Variants in SUGCT observed in about 807,000 individuals in gnomAD.
SUGCT encodes the protein succinyl-CoA:glutarate-CoA transferase.
SUGCT carries 41 observed loss-of-function variants against 55.0 expected under a neutral mutation model. The observed-to-expected ratio is 0.74, with a 90% CI of 0.58 to 0.97. The LOEUF (loss-of-function observed/expected upper bound fraction) is 0.97. Ranked by LOEUF, SUGCT falls within the 50% of genes least tolerant of loss-of-function variation. The pLI is 0.00. For missense variants in SUGCT, 568 were observed against 547.8 expected, an observed-to-expected ratio of 1.04 and a Z score of -0.37; for synonymous variants, 187 against 200.4, an observed-to-expected ratio of 0.93 and a Z score of 0.56.
chr7:40,920,299 C>T, the SUGCT span, among the ~76,000 whole-genome samples: 1 of 152,136 alleles, frequency 6.6e-6, no homozygotes, highest in Non-Finnish European at 1.5e-5. Context: ...ATATTTCTCC[C>T]GTTGAATTGG....
chr7:41,007,790 C>T, the SUGCT span, among the ~76,000 whole-genome samples: 1 of 79,624 alleles, frequency 1.3e-5, no homozygotes, highest in Non-Finnish European at 2.4e-5. Context: ...GCTTCTATGA[C>T]AATGGAATCT....
chr7:40,883,578 T>C, the SUGCT span, among the ~76,000 whole-genome samples: 1 of 152,208 alleles, frequency 6.6e-6, no homozygotes, highest in Non-Finnish European at 1.5e-5. Flanking sequence ...ATTGTCAGGA[T>C]GACTGAGTGA....
At chr7:40,196,510 T>G (rs987365096) in intron 6 of SUGCT, among the ~76,000 whole-genome samples, 2 of 152,152 alleles carry the variant, frequency 1.3e-5, no homozygotes, top group Non-Finnish European at 2.9e-5. Context: ...TAATTGAGTC[T>G]GGTAGTTGGC....
intron 8 of SUGCT, among the ~76,000 whole-genome samples, chr7:40,292,398 C>G (rs1332888467): frequency 6.6e-6 from 1 of 152,036 alleles, no homozygotes; most frequent in Non-Finnish European, 1.5e-5. Context: ...TCAGTTCTTC[C>G]TGAAACTGAA....
chr7:40,524,654 T>C (rs1793712591), intron 12 of SUGCT, among the ~76,000 whole-genome samples: 2 of 152,194 alleles, frequency 1.3e-5, no homozygotes, highest in African/African-American at 4.8e-5. Flanking sequence ...AAAATTTCTT[T>C]CTGTTTCTTT....
intron 12 of SUGCT, among the ~76,000 whole-genome samples, chr7:40,746,195 A>T (rs1787722781): frequency 6.6e-6 from 1 of 152,116 alleles, no homozygotes; most frequent in Non-Finnish European, 1.5e-5. Flanking sequence ...ATTCAGACAG[A>T]CTTCCTGGGT....
intron 9 of SUGCT, among the ~76,000 whole-genome samples, chr7:40,362,611 A>C (rs1166490555): frequency 6.6e-6 from 1 of 151,756 alleles, no homozygotes; most frequent in Non-Finnish European, 1.5e-5. Context: ...TATAGCTGTA[A>C]GTATTAATAA....
the SUGCT span, among the ~76,000 whole-genome samples, chr7:41,029,894 G>A: frequency 6.6e-6 from 1 of 152,178 alleles, no homozygotes; most frequent in Non-Finnish European, 1.5e-5. Flanking sequence ...AAAATCTCAT[G>A]GCTTCACCTG....
At chr7:40,784,203 AT>A (rs1789901873) in intron 13 of SUGCT, among the ~76,000 whole-genome samples, 1 of 152,008 alleles carries the variant, frequency 6.6e-6, no homozygotes, top group African/African-American at 2.4e-5. Flanking sequence ...GTTTGGAGCC[AT>A]TTTGTGTGTG....
At chr7:40,875,217 A>T in the SUGCT span, among the ~76,000 whole-genome samples, 1 of 152,228 alleles carries the variant, frequency 6.6e-6, no homozygotes, top group Non-Finnish European at 1.5e-5. Context: ...GAAATAAGTT[A>T]GTGTTCAGGA....
chr7:40,861,517 C>T (rs1794485273), downstream of SUGCT, among the ~76,000 whole-genome samples: 1 of 152,200 alleles, frequency 6.6e-6, no homozygotes, highest in African/African-American at 2.4e-5. Flanking sequence ...ATCAGATGAC[C>T]TCAACTCCTG....
At chr7:40,152,156 C>T (rs1166505829) in intron 1 of SUGCT, among the ~76,000 whole-genome samples, 1 of 152,168 alleles carries the variant, frequency 6.6e-6, no homozygotes, top group Non-Finnish European at 1.5e-5. Flanking sequence ...TGCATGACTC[C>T]TAAACCATAA....
rs570703872 is a variant in SUGCT at position 40,703,817 on chromosome 7, G to T, written c.1090-45617G>T. Among the ~76,000 whole-genome samples the T allele has an allele frequency of 6.6e-5, 10 of 152,280 alleles. No individual in the cohort carries two copies. The South Asian group carries it at 1.5e-3, about 22-fold the overall frequency. On this transcript the variant is annotated intron_variant, in intron 12 of 13. Transcript: ENST00000335693. ...GAAAGTACAGACCACTGTGTTAATT[G>T]TTGTGAGTGGATACCAAATAATAGC...
the SUGCT span, among the ~76,000 whole-genome samples, chr7:40,887,083 C>T: frequency 1.4e-4 from 22 of 152,088 alleles, no homozygotes; most frequent in African/African-American, 5.1e-4. Flanking sequence ...CCTTTGAGGA[C>T]CTCAAGGTGG....
chr7:40,209,499 C>T (rs2150787960), intron 6 of SUGCT, among the ~76,000 whole-genome samples: 1 of 146,370 alleles, frequency 6.8e-6, no homozygotes, highest in East Asian at 2.1e-4. Context: ...ACGTCTCAAA[C>T]AAAACAAAAC....
At chr7:40,606,863 G>T (rs941667617) in intron 12 of SUGCT, among the ~76,000 whole-genome samples, 1 of 152,166 alleles carries the variant, frequency 6.6e-6, no homozygotes, top group Non-Finnish European at 1.5e-5. Flanking sequence ...CAGAGATTGA[G>T]TCCTTTTTGG....
At chr7:40,231,148 T>C (rs1788700280) in intron 6 of SUGCT, among the ~76,000 whole-genome samples, 1 of 152,172 alleles carries the variant, frequency 6.6e-6, no homozygotes, top group South Asian at 2.1e-4. Context: ...AGAAACTCAG[T>C]TGCCAGGAGT....
intron 11 of SUGCT, among the ~76,000 whole-genome samples, chr7:40,487,722 T>G (rs1310092029): frequency 6.6e-6 from 1 of 152,202 alleles, no homozygotes; most frequent in Non-Finnish European, 1.5e-5. Flanking sequence ...ACAATTGTTA[T>G]GTCCTCTTGC....
At chr7:40,374,430 T>C (rs1583542511) in intron 9 of SUGCT, among the ~76,000 whole-genome samples, 1 of 152,256 alleles carries the variant, frequency 6.6e-6, no homozygotes, top group East Asian at 1.9e-4. Context: ...AGCTCCACTT[T>C]CCATGTTTTC....
Sources: gnomAD v4.1 joint callset for allele counts (sites outside exome capture counted in the v4.1 genomes callset) on GRCh38, gnomAD v4.1.1 for gene constraint, MANE v1.5 for transcripts, NCBI Gene and HGNC (gene_info 2026-07-23, HGNC 2026-07-21) for gene names.